Variants in ANO3 observed in about 807,000 individuals in gnomAD.
ANO3 encodes the protein anoctamin-3.
A neutral mutation model predicts 144.8 loss-of-function variants in ANO3; 99 were observed. The ratio of observed to expected loss-of-function variants is 0.68; its 90% CI spans 0.58 to 0.81. The LOEUF (loss-of-function observed/expected upper bound fraction) is 0.81, where lower values mean the gene tolerates loss of function less well. Ranked by LOEUF, ANO3 falls within the 30% of genes least tolerant of loss-of-function variation. ANO3 has a pLI of 0.00. For missense variants in ANO3, 905 were observed against 1,202.2 expected, an observed-to-expected ratio of 0.75 and a Z score of 3.66; for synonymous variants, 414 against 392.6, an observed-to-expected ratio of 1.05 and a Z score of -0.64.
chr11:26,298,927 C>T lies in ANO3; in HGVS notation c.155-10718C>T, dbSNP rs117788646. ...GATCAGAGAGATCATTTGGGAATGT[C>T]GAGTTTGGACTTGATTCTTTCAGAC... On this transcript the variant is annotated intron_variant, in intron 1 of 27. Coordinates refer to the ANO3 transcript ENST00000672621. Among the ~76,000 whole-genome samples, 955 of 152,156 alleles carry T rather than the reference C, an allele frequency of 6.3e-3. 5 individuals are homozygous for T. The highest frequency in any genetic ancestry group is 0.017 in the Middle Eastern group (5 of 294).
Position 26,388,127 on chromosome 11 carries a change from ATAATTT to A in ANO3, c.47-53789_47-53784del, listed in dbSNP as rs1856783207. Among the ~76,000 whole-genome samples the A allele has an allele frequency of 4.0e-5, 6 of 150,338 alleles. No homozygotes were observed. In the Middle Eastern group the frequency reaches 0.017, roughly 435 times the overall value. ...ATATTTTTTAACTTTTAGATTCTTT[ATAATTT>A]TTATTTTTTATCAACTTTGTATTTT... On this transcript the variant is annotated intron_variant, in intron 1 of 26. Transcript: ENST00000256737.
At chr11:26,659,561 G>C (rs1407424027) in intron 26 of ANO3, among the ~76,000 whole-genome samples, 1 of 151,934 alleles carries the variant, frequency 6.6e-6, no homozygotes, top group Non-Finnish European at 1.5e-5. Context: ...TCCAGGTGTA[G>C]TGGCAGGCAA....
At chr11:26,394,598 A>C (rs569224060) in intron 1 of ANO3, among the ~76,000 whole-genome samples, 1 of 122,014 alleles carries the variant, frequency 8.2e-6, no homozygotes, top group Admixed American at 9.4e-5. Context: ...TTGTTTGGAG[A>C]TGGAGTTTCA....
At chr11:26,265,104 C>T (rs1853279227) in intron 1 of ANO3, among the ~76,000 whole-genome samples, 1 of 152,168 alleles carries the variant, frequency 6.6e-6, no homozygotes. Flanking sequence ...ACTAACCTGA[C>T]ATTTTTTCTA....
At chr11:26,315,659 G>GTCTATCTA (rs10635488) in intron 1 of ANO3, among the ~76,000 whole-genome samples, 1,606 of 146,044 alleles carry the variant, frequency 0.011, 10 homozygotes, top group Admixed American at 0.03. Context: ...CTATCTGTCT[G>GTCTATCTA]TCTATCTATC....
At chr11:26,233,698 C>G (rs1422404003) in intron 1 of ANO3, among the ~76,000 whole-genome samples, 1 of 152,134 alleles carries the variant, frequency 6.6e-6, no homozygotes, top group Non-Finnish European at 1.5e-5. Flanking sequence ...AACTCAAATG[C>G]CCATCAATGA....
chr11:26,358,865 A>T (rs1855853323), intron 1 of ANO3, among the ~76,000 whole-genome samples: 1 of 152,070 alleles, frequency 6.6e-6, no homozygotes, highest in South Asian at 2.1e-4. Flanking sequence ...ATTGTCATTA[A>T]TCCTATCCAG....
At chr11:26,265,590 T>C (rs1853290461) in intron 1 of ANO3, among the ~76,000 whole-genome samples, 1 of 151,922 alleles carries the variant, frequency 6.6e-6, no homozygotes, top group South Asian at 2.1e-4. Flanking sequence ...AAGAAATAAA[T>C]GTTACTCACA....
intron 4 of ANO3, among the ~76,000 whole-genome samples, chr11:26,477,536 A>G (rs1860029859): frequency 6.6e-6 from 1 of 152,102 alleles, no homozygotes; most frequent in Non-Finnish European, 1.5e-5. Context: ...CCGCCCCCTC[A>G]TAGCACAAAT....
chr11:26,385,199 CAG>C (rs1370916519), intron 1 of ANO3, among the ~76,000 whole-genome samples: 9 of 152,046 alleles, frequency 5.9e-5, no homozygotes, highest in Non-Finnish European at 7.4e-5. Flanking sequence ...AATAAGTAAA[CAG>C]ATAAAATAAG....
intron 20 of ANO3, among the ~76,000 whole-genome samples, chr11:26,638,092 G>T (rs1430466321): frequency 6.6e-6 from 1 of 152,118 alleles, no homozygotes; most frequent in African/African-American, 2.4e-5. Flanking sequence ...TTGTGGTGTT[G>T]CATTTATCAC....
intron 1 of ANO3, among the ~76,000 whole-genome samples, chr11:26,226,328 A>T (rs1590203586): frequency 6.6e-6 from 1 of 152,214 alleles, no homozygotes; most frequent in Non-Finnish European, 1.5e-5. Flanking sequence ...TTCTGAAAAA[A>T]AAAATAAACT....
At chr11:26,276,401 T>G (rs1853561350) in intron 1 of ANO3, among the ~76,000 whole-genome samples, 1 of 152,006 alleles carries the variant, frequency 6.6e-6, no homozygotes, top group Non-Finnish European at 1.5e-5. Context: ...AACTCTGGCT[T>G]CATTTGTATA....
intron 3 of ANO3, among the ~76,000 whole-genome samples, chr11:26,461,406 AC>A (rs1859390511): frequency 6.6e-6 from 1 of 151,998 alleles, no homozygotes; most frequent in African/African-American, 2.4e-5. Flanking sequence ...TGCAAATATT[AC>A]TATGTTCTTT....
chr11:26,307,658 G>T (rs1194640413), upstream of ANO3, among the ~76,000 whole-genome samples: 1 of 151,014 alleles, frequency 6.6e-6, no homozygotes, highest in Non-Finnish European at 1.5e-5. Flanking sequence ...GGTGGAGGTC[G>T]CAGTGAGCAG....
intron 4 of ANO3, among the ~76,000 whole-genome samples, chr11:26,465,905 A>G (rs1859585764): frequency 6.6e-6 from 1 of 151,974 alleles, no homozygotes; most frequent in African/African-American, 2.4e-5. Flanking sequence ...ATGAGTAACT[A>G]TAGTTTGCTG....
At chr11:26,418,847 A>G (rs1857669588) in intron 1 of ANO3, among the ~76,000 whole-genome samples, 1 of 152,094 alleles carries the variant, frequency 6.6e-6, no homozygotes, top group Non-Finnish European at 1.5e-5. Flanking sequence ...TTATAGGATG[A>G]AGAACTGTCA....
At chr11:26,520,497 C>A (rs1215951708) in intron 6 of ANO3, among the ~76,000 whole-genome samples, 1 of 152,006 alleles carries the variant, frequency 6.6e-6, no homozygotes, top group African/African-American at 2.4e-5. Flanking sequence ...CGTGGAAAGT[C>A]TTAGAAAATA....
At chr11:26,405,843 T>C (rs1420476311) in intron 1 of ANO3, among the ~76,000 whole-genome samples, 1 of 151,908 alleles carries the variant, frequency 6.6e-6, no homozygotes, top group Non-Finnish European at 1.5e-5. Context: ...CTGAGGAATC[T>C]GCCTTGTAAT....
Sources: gnomAD v4.1 joint callset for allele counts (sites outside exome capture counted in the v4.1 genomes callset) on GRCh38, gnomAD v4.1.1 for gene constraint, MANE v1.5 for transcripts, NCBI Gene and HGNC (gene_info 2026-07-23, HGNC 2026-07-21) for gene names.